EHMT2: variants seen among roughly 807,000 people sequenced by gnomAD.
The protein encoded by EHMT2 is histone-lysine N-methyltransferase EHMT2.
In EHMT2, 59 loss-of-function variants were observed where a neutral mutation model predicts 143.3. The observed-to-expected ratio is 0.41, with a 90% CI of 0.33 to 0.51. The LOEUF (loss-of-function observed/expected upper bound fraction) is 0.51. Among genes scored for constraint, EHMT2 ranks in the 20% least tolerant of loss-of-function variants. The probability of loss-of-function intolerance (pLI) is 0.18; values close to 1 mark genes in which losing one functional copy is unlikely to be tolerated. For synonymous variants in EHMT2, 604 were observed against 651.5 expected (o/e 0.93, Z 1.11); for missense variants, 1,174 against 1,645.9 (o/e 0.71, Z 4.96).
exon 3 of EHMT2, chr6:31,896,723 T>C (rs1210715153): frequency 3.1e-6 from 5 of 1,612,754 alleles, no homozygotes; most frequent in Non-Finnish European, 4.2e-6. Flanking sequence ...ACAGTGACAG[T>C]GACAGAGGCT....
chr6:31,884,880 G>C lies in EHMT2; in HGVS notation c.2448+32C>G. ...GCCTCCACCTTGCTCAGGGGCCTGG[G>C]GCTGCCCTACCTCAACCAAACGCTC... On this transcript the variant is annotated intron_variant, in intron 19 of 27. Transcript: ENST00000375537. This position sits in a 1 kb window ranked among gnomAD's most constrained non-coding sequence, Gnocchi z 7.3. The C allele has an allele frequency of 6.3e-7, 1 of 1,589,276 alleles. No homozygotes were observed. Among genetic ancestry groups the C allele is most frequent in the African/African-American group, 1.3e-5 (1 of 74,608 alleles).
intron 16 of EHMT2, 41 bp from the exon 17 acceptor site, chr6:31,886,938 G>T: frequency 6.2e-7 from 1 of 1,613,814 alleles, no homozygotes; most frequent in Non-Finnish European, 8.5e-7. Context: ...GAGGCATGGG[G>T]CAGGGGAGGG....
At chr6:31,897,010 C>T (rs1174220563) in intron 1 of EHMT2, 21 bp from the exon 2 acceptor site, 31 of 1,551,292 alleles carry the variant, frequency 2.0e-5, no homozygotes, top group Non-Finnish European at 2.6e-5. Context: ...AGACAAGGGA[C>T]AGGAGGGCTG....
chr6:31,887,933 G>A lies in EHMT2; in HGVS notation c.1774C>T (p.Arg592Trp), dbSNP rs754896170. The change falls in exon 14 of 28, where the codon CGG (arginine) becomes TGG (tryptophan). Residue 592 changes from arginine to tryptophan, a missense_variant. Physicochemically the swap from Arg to Trp is moderately radical, Grantham distance 101. Around this residue, in one of 6 missense-constraint regions of EHMT2, gnomAD observed 608 missense variants for 903.7 expected, o/e 0.67. Transcript: ENST00000375537. ...GCCAGGGGATCGCAGGGCGGGCGCCGGGGTTCCCCATGCCCTCGCATCCGG... is the reference window on the plus strand; with the variant it reads ...GCCAGGGGATCGCAGGGCGGGCGCCAGGGTTCCCCATGCCCTCGCATCCGG... 5.7e-5 allele frequency: 92 copies of A among 1,600,198 alleles called. No homozygotes were observed. The highest frequency in any genetic ancestry group is 4.5e-5 in the Non-Finnish European group (53 of 1,172,486).
chr6:31,893,185 A>C (rs762819239), intron 4 of EHMT2: 20 of 526,648 alleles, frequency 3.8e-5, no homozygotes, highest in Non-Finnish European at 6.4e-5. Flanking sequence ...AAGACCTTTT[A>C]TATGTGGCCA....
intron 7 of EHMT2, among the ~76,000 whole-genome samples, chr6:31,890,174 C>T (rs1765496154): frequency 6.6e-6 from 1 of 152,160 alleles, no homozygotes; most frequent in Non-Finnish European, 1.5e-5. Flanking sequence ...TGTCAATCTC[C>T]ACCCAATCAG....
chr6:31,892,671 G>A (rs1395250777), intron 6 of EHMT2, 23 bp downstream of exon 6: 2 of 1,613,118 alleles, frequency 1.2e-6, no homozygotes, highest in South Asian at 1.1e-5. Context: ...CCGAGGGGTA[G>A]AGGCTCTGCC....
At chr6:31,887,409 G>A (rs1765012017) in intron 15 of EHMT2, among the ~76,000 whole-genome samples, 168 bp downstream of exon 15, 1 of 152,182 alleles carries the variant, frequency 6.6e-6, no homozygotes, top group African/African-American at 2.4e-5. Flanking sequence ...GCACCTATGA[G>A]TCACCACATC....
In EHMT2 at chr6:31,886,943, G is replaced by A. The variant is rs764775254; in HGVS notation, c.2119-46C>T. On this transcript the variant is annotated intron_variant, in intron 16 of 27. Transcript: ENST00000375537. ...TGGCACCAGGGAGGCATGGGGCAGGGGAGGGGCCTAAGGGCCTGGTGAATG... is the reference window on the plus strand; with the variant it reads ...TGGCACCAGGGAGGCATGGGGCAGGAGAGGGGCCTAAGGGCCTGGTGAATG... The A allele has an allele frequency of 6.2e-6, 10 of 1,613,776 alleles. No individual in the cohort carries two copies. In the African/African-American group the frequency reaches 1.2e-4, roughly 19 times the overall value.
chr6:31,880,568 G>A lies in EHMT2; in HGVS notation c.3452+105C>T. On this transcript the variant is annotated intron_variant, in intron 27 of 27. Transcript: ENST00000375537. This position sits in a 1 kb window ranked among gnomAD's most constrained non-coding sequence, Gnocchi z 6.6. ...TGTACACTGAAATCTGAGAAGCTCT[G>A]CACTACTCCATGCCTGGACACCAGG... 1 of 1,241,514 alleles carries A rather than the reference G, an allele frequency of 8.1e-7. No individual in the cohort carries two copies. Among genetic ancestry groups the A allele is most frequent in the South Asian group, 1.3e-5 (1 of 74,704 alleles). The allele number at this position is 1,241,514 out of a possible 1,614,324, so 76.9% of individuals were successfully genotyped here. A position where few individuals can be genotyped will look rare whatever the true frequency, so the allele number is the denominator to read the frequency against.
At chr6:31,894,881 G>C (rs1308245264) in intron 4 of EHMT2, among the ~76,000 whole-genome samples, 5 of 152,064 alleles carry the variant, frequency 3.3e-5, no homozygotes, top group Non-Finnish European at 7.4e-5. Context: ...TCGAACTCCT[G>C]ACCTCAAGTG....
chr6:31,884,880 G>A lies in EHMT2; in HGVS notation c.2448+32C>T. ...GCCTCCACCTTGCTCAGGGGCCTGG[G>A]GCTGCCCTACCTCAACCAAACGCTC... On this transcript the variant is annotated intron_variant, in intron 19 of 27. Transcript: ENST00000375537. This position sits in a 1 kb window ranked among gnomAD's most constrained non-coding sequence, Gnocchi z 7.3. The A allele has an allele frequency of 6.3e-7, 1 of 1,589,276 alleles. No individual in the cohort carries two copies. Among genetic ancestry groups the A allele is most frequent in the Non-Finnish European group, 8.6e-7 (1 of 1,161,790 alleles).
Position 31,889,352 on chromosome 6 carries a change from GGGAGGA to G in EHMT2, c.1000-16_1000-11del, listed in dbSNP as rs761649419. 6.2e-7 allele frequency: 1 copy of G among 1,611,102 alleles called. No homozygotes were observed. Among genetic ancestry groups the G allele is most frequent in the African/African-American group, 1.3e-5 (1 of 74,866 alleles). ...GGCCACTGGAACCACTCTGGGAAGG[GGGAGGA>G]GGAGGAGTTAGGAACCCTCACCCCC... On this transcript the variant is annotated splice_polypyrimidine_tract_variant and intron_variant, in intron 8 of 27. Transcript: ENST00000375537. The surrounding 1 kb of genome is among the most constrained non-coding windows in gnomAD (Gnocchi z 5.1).
In EHMT2 at chr6:31,897,646, G is replaced by T. The variant is rs981379318; in HGVS notation, c.32C>A (p.Ala11Glu). ...CCTCCCCTTCCGCACCTCGGCGGCC[G>T]CCGCCGCTGCAGCTCCCGCCGCCGC... Residue 11 changes from alanine to glutamate, a missense_variant, in exon 1 of 28, where the codon GCG becomes GAG. By Grantham distance (107) the Ala-to-Glu change is moderately radical (BLOSUM62 -1). This residue lies in a region of EHMT2 where 399 missense variants were observed against 404.4 expected (regional missense o/e 0.99). Coordinates refer to ENST00000375537, the Ensembl canonical transcript of EHMT2. 16 of 1,160,742 alleles carry T rather than the reference G, an allele frequency of 1.4e-5. No homozygotes were observed. In the African/African-American group the frequency reaches 2.3e-4, roughly 16 times the overall value. The allele number at this position is 1,160,742 out of a possible 1,614,324, so 71.9% of individuals were successfully genotyped here.
intron 15 of EHMT2, 44 bp downstream of exon 15, chr6:31,887,533 A>G (rs1454392871): frequency 7.6e-6 from 12 of 1,575,420 alleles, no homozygotes; most frequent in African/African-American, 1.3e-5. Context: ...TGGTATATAC[A>G]TGAAGCTTGG....
chr6:31,887,893 C>T, exon 14 of EHMT2: 3 of 1,611,058 alleles, frequency 1.9e-6, no homozygotes, highest in Non-Finnish European at 2.5e-6. Flanking sequence ...GGGCCCTGAG[C>T]TGTCAATGGT....
Position 31,892,716 on chromosome 6 carries a change from T to G in EHMT2, c.686A>C (p.Lys229Thr), listed in dbSNP as rs1314914677. The G allele has an allele frequency of 8.7e-6, 14 of 1,613,004 alleles. No individual in the cohort carries two copies. Among genetic ancestry groups the G allele is most frequent in the African/African-American group, 1.3e-5 (1 of 74,918 alleles). The change falls in exon 6 of 28, where the codon AAG becomes ACG. Residue 229 changes from lysine (K) to threonine (T), a missense_variant. By Grantham distance (78) the Lys-to-Thr change is moderately conservative (BLOSUM62 -1). Transcript: ENST00000375537. Reference sequence around the variant, plus strand: ...TACCAGGCCACCTCCTGAGTTCAGCTTCCTCCTTTTGGCCAGATCTGGAAG... The same window carrying G: ...TACCAGGCCACCTCCTGAGTTCAGCGTCCTCCTTTTGGCCAGATCTGGAAG...
In EHMT2 at chr6:31,888,590, C is replaced by A. The variant is rs765560452; in HGVS notation, c.1365+9G>T. On this transcript the variant is annotated intron_variant, in intron 11 of 27. Transcript: ENST00000375537. This position sits in a 1 kb window ranked among gnomAD's most constrained non-coding sequence, Gnocchi z 7.4. ...CCCTGGCACCTCTCCCACCAGCCCA[C>A]GGCCCCACCTCTCCGTCCACACTCT... 1 of 1,611,500 alleles carries A rather than the reference C, an allele frequency of 6.2e-7. No homozygotes were observed. Among genetic ancestry groups the A allele is most frequent in the Non-Finnish European group, 8.5e-7 (1 of 1,179,480 alleles).
At chr6:31,897,229 G>A (rs1554267890) in intron 1 of EHMT2, 9 of 1,220,438 alleles carry the variant, frequency 7.4e-6, no homozygotes, top group Non-Finnish European at 9.3e-6. Context: ...AGAGGAGGGG[G>A]AGGGGGCGGG....
Sources: gnomAD v4.1 joint callset for allele counts (sites outside exome capture counted in the v4.1 genomes callset) on GRCh38, gnomAD v4.1.1 for gene constraint, gnomAD v4.1.1 regional missense constraint, Gnocchi (gnomAD v3.1) non-coding constraint, MANE v1.5 for transcripts, NCBI Gene and HGNC (gene_info 2026-07-23, HGNC 2026-07-21) for gene names.